Variants in ANO3 observed in about 807,000 individuals in gnomAD.
ANO3 encodes the protein anoctamin 3.
In ANO3, 99 loss-of-function variants were observed where a neutral mutation model predicts 144.8. The observed-to-expected ratio is 0.68, with a 90% CI of 0.58 to 0.81. ANO3 has a LOEUF of 0.81. Among genes scored for constraint, ANO3 ranks in the 30% least tolerant of loss-of-function variants. ANO3 has a pLI of 0.00. For missense variants in ANO3, 905 were observed against 1,202.2 expected, an observed-to-expected ratio of 0.75 and a Z score of 3.66; for synonymous variants, 414 against 392.6, an observed-to-expected ratio of 1.05 and a Z score of -0.64.
At chr11:26,249,337 C>T (rs551773751) in intron 1 of ANO3, among the ~76,000 whole-genome samples, 1 of 152,252 alleles carries the variant, frequency 6.6e-6, no homozygotes, top group Admixed American at 6.5e-5. Context: ...GAAAATTAAA[C>T]ACATTCTACT....
intron 1 of ANO3, among the ~76,000 whole-genome samples, chr11:26,370,467 G>A (rs560898262): frequency 7.2e-5 from 11 of 152,174 alleles, no homozygotes; most frequent in Non-Finnish European, 1.0e-4. Context: ...ACCACAGAGA[G>A]TAGGGCACTG....
intron 11 of ANO3, among the ~76,000 whole-genome samples, chr11:26,544,245 A>G (rs1260589404): frequency 2.2e-4 from 3 of 13,714 alleles, no homozygotes; most frequent in Non-Finnish European, 5.7e-4. Flanking sequence ...GTAGTATTTC[A>G]TTATACATAT....
chr11:26,401,515 G>A (rs1469941416), intron 1 of ANO3, among the ~76,000 whole-genome samples: 1 of 152,010 alleles, frequency 6.6e-6, no homozygotes, highest in African/African-American at 2.4e-5. Context: ...GCGAGAAGTT[G>A]GACATTGTGG....
intron 1 of ANO3, among the ~76,000 whole-genome samples, chr11:26,265,220 T>G (rs886522989): frequency 2.0e-5 from 3 of 152,226 alleles, no homozygotes; most frequent in Non-Finnish European, 4.4e-5. Context: ...ACAAAACATT[T>G]CAACTTACCC....
At chr11:26,435,720 G>GT (rs891997567) in intron 1 of ANO3, among the ~76,000 whole-genome samples, 1 of 151,928 alleles carries the variant, frequency 6.6e-6, no homozygotes, top group Non-Finnish European at 1.5e-5. Flanking sequence ...TTATTGCAGT[G>GT]TTTTTTTCAG....
chr11:26,346,842 C>G (rs1855508744), intron 1 of ANO3, among the ~76,000 whole-genome samples: 1 of 152,158 alleles, frequency 6.6e-6, no homozygotes, highest in African/African-American at 2.4e-5. Context: ...GAAGAAATAA[C>G]TGGCTGTCAT....
chr11:26,564,690 T>TACACACACAC (rs1565108459), intron 14 of ANO3, among the ~76,000 whole-genome samples: 1 of 18,648 alleles, frequency 5.4e-5, no homozygotes, highest in Non-Finnish European at 1.2e-4. Context: ...TACTCATATA[T>TACACACACAC]ATACACACAC....
intron 1 of ANO3, among the ~76,000 whole-genome samples, chr11:26,313,323 T>C (rs1854544368): frequency 6.6e-6 from 1 of 152,158 alleles, no homozygotes. Flanking sequence ...GGATTCAAAA[T>C]TAGAAGAATC....
intron 7 of ANO3, among the ~76,000 whole-genome samples, chr11:26,530,670 C>G (rs896935436): frequency 6.6e-6 from 1 of 151,644 alleles, no homozygotes; most frequent in South Asian, 2.1e-4. Flanking sequence ...ACCTTCCTGG[C>G]CAACATGGTG....
In ANO3 at chr11:26,480,775, T is replaced by C. The variant is rs559193159; in HGVS notation, c.432+17627T>C. Among the ~76,000 whole-genome samples, 56 of 152,028 alleles carry C rather than the reference T, an allele frequency of 3.7e-4. 1 individual carries two copies. The South Asian group carries it at 0.012, about 31-fold the overall frequency. Reference sequence around the variant, plus strand: ...GTGAGCTGAGTTCGCTCCACTGCACTCCAGCCTGGGCAACAGAGTGAGACC... The same window carrying C: ...GTGAGCTGAGTTCGCTCCACTGCACCCCAGCCTGGGCAACAGAGTGAGACC... On this transcript the variant is annotated intron_variant, in intron 4 of 26. Transcript: ENST00000256737.
Position 26,417,117 on chromosome 11 carries a change from T to C in ANO3, c.47-24801T>C, listed in dbSNP as rs1464709286. Among the ~76,000 whole-genome samples, 7 of 152,116 alleles carry C rather than the reference T, an allele frequency of 4.6e-5. No individual in the cohort carries two copies. In the East Asian group the frequency reaches 1.2e-3, roughly 25 times the overall value. ...AAGAGCAAGATTATAAGGATACTCTTGTTCCCATGATTCTAGAAAATGAAT... is the reference window on the plus strand; with the variant it reads ...AAGAGCAAGATTATAAGGATACTCTCGTTCCCATGATTCTAGAAAATGAAT... On this transcript the variant is annotated intron_variant, in intron 1 of 26. Coordinates refer to ENST00000256737, the MANE Select transcript of ANO3 (RefSeq NM_031418.4).
intron 1 of ANO3, among the ~76,000 whole-genome samples, chr11:26,376,073 T>C (rs143369472): frequency 4.8e-4 from 73 of 152,258 alleles, no homozygotes; most frequent in African/African-American, 1.6e-3. Context: ...AAAAGGCATT[T>C]TACTTGACAC....
At chr11:26,293,709 A>G (rs1308235360) in intron 1 of ANO3, among the ~76,000 whole-genome samples, 1 of 151,730 alleles carries the variant, frequency 6.6e-6, no homozygotes, top group Admixed American at 6.6e-5. Flanking sequence ...GCACAAATCC[A>G]TCATTTTACA....
chr11:26,455,351 A>C (rs920597600), intron 3 of ANO3, among the ~76,000 whole-genome samples: 4 of 151,346 alleles, frequency 2.6e-5, no homozygotes, highest in South Asian at 2.1e-4. Context: ...AAATCTCCTT[A>C]AGCTGATAAG....
At chr11:26,358,373 T>C (rs944385292) in intron 1 of ANO3, among the ~76,000 whole-genome samples, 3 of 152,206 alleles carry the variant, frequency 2.0e-5, no homozygotes, top group African/African-American at 7.2e-5. Context: ...GGTTTCACCA[T>C]GTTGGCCAGA....
rs202077903 is a variant in ANO3, at chr11:26,534,463, A to G, written c.877A>G (p.Ile293Val). 6.2e-7 allele frequency: 1 copy of G among 1,609,576 alleles called. No homozygotes were observed. The highest frequency in any genetic ancestry group is 2.2e-5 in the East Asian group (1 of 44,740). The stretch of plus-strand genomic sequence containing the variant: ...ATCCCCTCATCTTAACAGCTTCATA[A>G]TAAATAATAAAGACACCTTCTTCAG... ...FSRARIHHFI[I>V]NNKDTFFSNA... is the part of the protein sequence containing the mutation. Residue 293 changes from isoleucine to valine, a missense_variant, in exon 9 of 27, where the codon ATA becomes GTA. This residue lies in a region of ANO3 where 597 missense variants were observed against 865.1 expected (regional missense o/e 0.69). Transcript: ENST00000256737.
At chr11:26,320,900 G>A (rs1401824303) in intron 1 of ANO3, among the ~76,000 whole-genome samples, 1 of 151,916 alleles carries the variant, frequency 6.6e-6, no homozygotes, top group Non-Finnish European at 1.5e-5. Flanking sequence ...CTGTATTTTA[G>A]TAGAAAACAA....
At chr11:26,293,850 C>G (rs947790025) in intron 1 of ANO3, among the ~76,000 whole-genome samples, 1 of 151,966 alleles carries the variant, frequency 6.6e-6, no homozygotes, top group African/African-American at 2.4e-5. Flanking sequence ...CAGATTGGTA[C>G]AGTATTACAA....
At position 26,228,310 on chromosome 11, in the gene ANO3, A is replaced by G. The variant is rs568516125; in HGVS notation, c.154+38980A>G. On this transcript the variant is annotated intron_variant, in intron 1 of 27. Coordinates refer to the ANO3 transcript ENST00000672621. Reference sequence around the variant, plus strand: ...AATCTGTTCTACCAGTATACATCACAATTTATCCCCAGTGAAAGTTTTAAA... The same window carrying G: ...AATCTGTTCTACCAGTATACATCACGATTTATCCCCAGTGAAAGTTTTAAA... Among the ~76,000 whole-genome samples, 15 of 152,338 alleles carry G rather than the reference A, an allele frequency of 9.8e-5. No individual in the cohort carries two copies. The South Asian group carries it at 1.2e-3, about 13-fold the overall frequency.
Sources: gnomAD v4.1 joint callset for allele counts (sites outside exome capture counted in the v4.1 genomes callset) on GRCh38, gnomAD v4.1.1 for gene constraint, gnomAD v4.1.1 regional missense constraint, MANE v1.5 for transcripts, NCBI Gene and HGNC (gene_info 2026-07-23, HGNC 2026-07-21) for gene names.